The following PCDHA3 variants were observed in gnomAD, a reference collection of about 807,000 sequenced individuals.
PCDHA3 encodes the protein protocadherin alpha 3, also known as protocadherin alpha-3.
PCDHA3 carries 41 observed loss-of-function variants against 62.2 expected under a neutral mutation model. The ratio of observed to expected loss-of-function variants is 0.66; its 90% CI spans 0.51 to 0.86. The LOEUF (loss-of-function observed/expected upper bound fraction) is 0.86, where lower values mean the gene tolerates loss of function less well. PCDHA3 is among the 40% of genes least tolerant of loss of function. The pLI is 0.00. For missense variants in PCDHA3, 1,304 were observed against 1,241.2 expected, an observed-to-expected ratio of 1.05 and a Z score of -0.76; for synonymous variants, 640 against 555.4, an observed-to-expected ratio of 1.15 and a Z score of -2.14.
chr5:140,843,693 T>C, intron 1 of PCDHA3: 1 of 1,585,660 alleles, frequency 6.3e-7, no homozygotes, highest in Non-Finnish European at 8.6e-7. Context: ...GAGCAAGATT[T>C]AAATGTTGAT....
chr5:140,941,224 T>TTTCTTTCTTTCTTTCTTTCTTTCC (rs2092912857), intron 1 of PCDHA3, among the ~76,000 whole-genome samples: 1 of 137,372 alleles, frequency 7.3e-6, no homozygotes, highest in Non-Finnish European at 1.6e-5. Context: ...CCTTTCTTTC[T>TTTCTTTCTTTCTTTCTTTCTTTCC]TTCTTTCTTT....
intron 1 of PCDHA3, chr5:140,969,549 C>A: frequency 1.6e-6 from 2 of 1,238,176 alleles, no homozygotes; most frequent in South Asian, 3.3e-5. Context: ...AGGCATGAAG[C>A]CTTGTCCATA....
At chr5:140,969,109 T>C (rs782731369) in intron 1 of PCDHA3, 10 of 1,614,126 alleles carry the variant, frequency 6.2e-6, no homozygotes, top group Non-Finnish European at 8.5e-6. Flanking sequence ...TCATTGAAGT[T>C]CGAGGGAATG....
At chr5:140,832,642 C>A (rs1554133590) in intron 1 of PCDHA3, among the ~76,000 whole-genome samples, 1 of 152,106 alleles carries the variant, frequency 6.6e-6, no homozygotes, top group African/African-American at 2.4e-5. Flanking sequence ...CTAGGAGGGT[C>A]TTTAAGAGTA....
chr5:140,807,758 G>A, intron 1 of PCDHA3: 1 of 1,614,194 alleles, frequency 6.2e-7, no homozygotes, highest in South Asian at 1.1e-5. Flanking sequence ...GCTGGTAAAA[G>A]GTCTTGGGCT....
rs1302053906 is a variant in PCDHA3, at chr5:140,802,383, A to G, written c.1186A>G (p.Lys396Glu). The change falls in exon 1 of 4, where the codon AAG becomes GAG. Residue 396 changes from lysine (K) to glutamate (E), a missense_variant. Coordinates refer to ENST00000522353, the MANE Select transcript of PCDHA3 (RefSeq NM_018906.3). ...CTCGCTGACGCCCCACGTCCCCTTC[A>G]AGCTGGTGTCCACCTTCAAGAATTA... ...TCSLTPHVPFKLVSTFKNYYS... is the reference protein window; with the variant it reads ...TCSLTPHVPFELVSTFKNYYS... 6.2e-7 allele frequency: 1 copy of G among 1,614,106 alleles called. No homozygotes were observed. Among genetic ancestry groups the G allele is most frequent in the South Asian group, 1.1e-5 (1 of 91,088 alleles).
At chr5:140,805,119 C>A in intron 1 of PCDHA3, 1 of 1,586,624 alleles carries the variant, frequency 6.3e-7, no homozygotes, top group Non-Finnish European at 8.5e-7. Flanking sequence ...TAACAAGACT[C>A]TTGGCAAAGA....
At chr5:140,924,944 TAA>T (rs11334471) in intron 1 of PCDHA3, among the ~76,000 whole-genome samples, 87 of 142,948 alleles carry the variant, frequency 6.1e-4, no homozygotes, top group African/African-American at 2.0e-3. Flanking sequence ...AATAAAAAGT[TAA>T]AAAAAAAATG....
rs376600715 is a variant in PCDHA3, at chr5:140,871,207, G to A, written c.2394+67616G>A. The stretch of plus-strand genomic sequence containing the variant: ...GGATGTCAACGTGTACCTGATCATC[G>A]CCATCTGCGTGGTGTCCAGCCTCCT... On this transcript the variant is annotated intron_variant, in intron 1 of 3. Transcript: ENST00000522353. 2.2e-5 allele frequency: 36 copies of A among 1,613,642 alleles called. No individual in the cohort carries two copies. The African/African-American group carries it at 4.0e-4, about 18-fold the overall frequency.
At chr5:140,809,228 C>T (rs1764400715) in intron 1 of PCDHA3, 3 of 1,613,954 alleles carry the variant, frequency 1.9e-6, no homozygotes, top group Admixed American at 1.7e-5. Flanking sequence ...GGCCTCCTCA[C>T]GGGCGTTGGT....
intron 1 of PCDHA3, among the ~76,000 whole-genome samples, chr5:140,917,333 G>GC (rs1401985588): frequency 2.7e-5 from 4 of 148,632 alleles, no homozygotes; most frequent in African/African-American, 7.4e-5. Flanking sequence ...GCGGGGGAGG[G>GC]GGGGGATGGT....
At position 140,977,800 on chromosome 5, in the gene PCDHA3, T is replaced by G. The variant is rs572772764; in HGVS notation, c.2395-1149T>G. On this transcript the variant is annotated intron_variant, in intron 1 of 3. Coordinates refer to ENST00000522353, the MANE Select transcript of PCDHA3 (RefSeq NM_018906.3). Reference sequence around the variant, plus strand: ...AAAGGAACTATATGAATGATAGGAATAAGAATTATTGACAGTTTTGAATGG... The same window carrying G: ...AAAGGAACTATATGAATGATAGGAAGAAGAATTATTGACAGTTTTGAATGG... Among the ~76,000 whole-genome samples, 3 of 152,356 alleles carry G rather than the reference T, an allele frequency of 2.0e-5. No individual in the cohort carries two copies. In the East Asian group the frequency reaches 5.8e-4, roughly 29 times the overall value.
At chr5:140,813,284 ATC>A (rs1554126160) in intron 1 of PCDHA3, 160 of 152,310 alleles carry the variant, frequency 1.1e-3, no homozygotes, top group African/African-American at 3.8e-3. Context: ...TGAGAATTGT[ATC>A]ATTCTGAGAT....
In PCDHA3 at chr5:140,884,626, A is replaced by G. The variant is rs782131642; in HGVS notation, c.2394+81035A>G. 9 of 1,613,602 alleles carry G rather than the reference A, an allele frequency of 5.6e-6. No individual in the cohort carries two copies. In the Admixed American group the frequency reaches 1.5e-4, roughly 27 times the overall value. ...CTTGTCTGGGTTCTGCAGAGGGAAC[A>G]GGCCAGAGGGAGGAGGACTCAGAAT... On this transcript the variant is annotated intron_variant, in intron 1 of 3. Transcript: ENST00000522353.
In PCDHA3 at chr5:140,801,195, G is replaced by T; in HGVS notation, c.-3G>T. 2 of 1,589,630 alleles carry T rather than the reference G, an allele frequency of 1.3e-6. No individual in the cohort carries two copies. The highest frequency in any genetic ancestry group is 2.3e-5 in the South Asian group (2 of 88,068). On this transcript the variant is annotated 5_prime_UTR_variant, in exon 1 of 4. Coordinates refer to ENST00000522353, the MANE Select transcript of PCDHA3 (RefSeq NM_018906.3). ...GCAATCTAATATTTGGAAAATACTT[G>T]CAATGTTGTTCTCCTGGCGAGAAGA...
intron 1 of PCDHA3, chr5:140,857,885 G>A: frequency 6.3e-7 from 1 of 1,597,988 alleles, no homozygotes; most frequent in Non-Finnish European, 8.6e-7. Context: ...ATTGCAGTCG[G>A]CGGCGGTTGG....
At chr5:140,829,565 T>C (rs2150170147) in intron 1 of PCDHA3, 7 of 1,612,526 alleles carry the variant, frequency 4.3e-6, no homozygotes, top group Non-Finnish European at 5.9e-6. Context: ...GCTGGTGTCC[T>C]ACTCGCTGGT....
intron 1 of PCDHA3, among the ~76,000 whole-genome samples, chr5:140,819,452 A>G (rs1461686795): frequency 1.3e-5 from 2 of 152,148 alleles, no homozygotes; most frequent in Non-Finnish European, 2.9e-5. Context: ...TTTTTTCTCA[A>G]GGAAGAACTT....
chr5:140,980,252 A>C (rs993133768), intron 2 of PCDHA3, among the ~76,000 whole-genome samples: 6 of 152,188 alleles, frequency 3.9e-5, no homozygotes, highest in African/African-American at 1.4e-4. Context: ...CAATGGGTAA[A>C]AGCATGGTTT....
Sources: allele counts gnomAD v4.1 joint callset (sites outside exome capture counted in the v4.1 genomes callset), GRCh38; gene constraint gnomAD v4.1.1; transcripts MANE v1.5; gene names NCBI Gene and HGNC (gene_info 2026-07-23, HGNC 2026-07-21).